NTM: variants seen among roughly 807,000 people sequenced by gnomAD.
NTM encodes neurotrimin.
In NTM, 13 loss-of-function variants were observed where a neutral mutation model predicts 42.1. The observed-to-expected ratio is 0.31, with a 90% CI of 0.20 to 0.49. The LOEUF is 0.49. Among genes scored for constraint, NTM ranks in the 20% least tolerant of loss-of-function variants. NTM has a pLI of 0.99. For missense variants in NTM, 373 were observed against 452.8 expected (o/e 0.82, Z 1.60); for synonymous variants, 187 against 179.2 (o/e 1.04, Z -0.35).
At chr11:132,294,496 G>T (rs892750797) in intron 4 of NTM, among the ~76,000 whole-genome samples, 1 of 152,050 alleles carries the variant, frequency 6.6e-6, no homozygotes, top group Non-Finnish European at 1.5e-5. Context: ...GTTTTTTCAC[G>T]CCAAGATCCA....
intron 2 of NTM, among the ~76,000 whole-genome samples, chr11:132,043,284 T>C (rs1423802269): frequency 6.6e-6 from 1 of 152,216 alleles, no homozygotes; most frequent in Non-Finnish European, 1.5e-5. Context: ...TAATTCTTCA[T>C]CCTTCAAGCA....
Position 132,104,290 on chromosome 11 carries a change from G to T in NTM, c.168-41992G>T, listed in dbSNP as rs965513878. Among the ~76,000 whole-genome samples, 104 of 152,248 alleles carry T rather than the reference G, an allele frequency of 6.8e-4. 1 individual carries two copies. The highest frequency in any genetic ancestry group is 2.4e-3 in the African/African-American group (99 of 41,538). ...AAATATTTACAGTAGAAATTTTTGA[G>T]TGATGAGATTATAGGATAATTTCCC... On this transcript the variant is annotated intron_variant, in intron 2 of 8. Coordinates refer to ENST00000683400, the MANE Select transcript of NTM (RefSeq NM_001352005.2).
intron 2 of NTM, among the ~76,000 whole-genome samples, chr11:131,981,792 C>A (rs983555531): frequency 8.5e-5 from 13 of 152,096 alleles, no homozygotes; most frequent in Non-Finnish European, 1.9e-4. Context: ...AGGTGGAGCA[C>A]CTGAGGTCAG....
intron 1 of NTM, among the ~76,000 whole-genome samples, chr11:131,863,267 G>T (rs1188409193): frequency 6.6e-6 from 1 of 152,210 alleles, no homozygotes; most frequent in African/African-American, 2.4e-5. Context: ...CTGGCACCCT[G>T]ATGGTGCTCC....
chr11:131,775,313 A>C (rs1239145037), intron 1 of NTM, among the ~76,000 whole-genome samples: 1 of 152,188 alleles, frequency 6.6e-6, no homozygotes, highest in African/African-American at 2.4e-5. Context: ...GTTTTAGTTT[A>C]ATAACTAATA....
intron 1 of NTM, among the ~76,000 whole-genome samples, chr11:131,391,743 G>T (rs113010245): frequency 6.6e-6 from 1 of 151,736 alleles, no homozygotes; most frequent in African/African-American, 2.4e-5. Flanking sequence ...CACCCTGTGC[G>T]GCTCATTTCT....
intron 4 of NTM, among the ~76,000 whole-genome samples, chr11:132,261,445 G>T (rs1355821214): frequency 6.6e-6 from 1 of 152,152 alleles, no homozygotes; most frequent in Non-Finnish European, 1.5e-5. Context: ...CCTCCCTTTT[G>T]CCGTGGTTAT....
chr11:131,539,268 A>G (rs2052801599), intron 1 of NTM: 1 of 152,212 alleles, frequency 6.6e-6, no homozygotes, highest in Non-Finnish European at 1.5e-5. Flanking sequence ...GGCTTTGCAG[A>G]AGTTCCTTCT....
At chr11:131,540,712 G>C (rs1446085578) in intron 1 of NTM, 1 of 152,208 alleles carries the variant, frequency 6.6e-6, no homozygotes, top group Admixed American at 6.5e-5. Flanking sequence ...ACAGTAAACA[G>C]AACTTAAAGG....
intron 1 of NTM, among the ~76,000 whole-genome samples, chr11:131,634,566 C>G (rs940874291): frequency 1.3e-5 from 2 of 151,712 alleles, no homozygotes; most frequent in East Asian, 1.9e-4. Flanking sequence ...GCCTCCCAAG[C>G]CTTTATGCTG....
chr11:131,968,572 A>G (rs2063135461), intron 2 of NTM, among the ~76,000 whole-genome samples: 1 of 152,034 alleles, frequency 6.6e-6, no homozygotes, highest in Non-Finnish European at 1.5e-5. Context: ...TCTTGAAATT[A>G]CCCATCTTGC....
chr11:132,117,415 G>A (rs2064067155), intron 2 of NTM, among the ~76,000 whole-genome samples: 2 of 152,220 alleles, frequency 1.3e-5, no homozygotes, highest in African/African-American at 4.8e-5. Context: ...CCATGTGATG[G>A]ACAATACCAA....
At chr11:131,569,104 CT>C (rs1325684588) in intron 1 of NTM, among the ~76,000 whole-genome samples, 1 of 151,956 alleles carries the variant, frequency 6.6e-6, no homozygotes, top group East Asian at 1.9e-4. Flanking sequence ...TAGGCAACCC[CT>C]AATCTGCTTT....
intron 3 of NTM, among the ~76,000 whole-genome samples, chr11:132,161,090 G>T (rs190451534): frequency 1.3e-5 from 2 of 152,298 alleles, no homozygotes; most frequent in Non-Finnish European, 2.9e-5. Flanking sequence ...GACCTCCATG[G>T]TTCACAGCTT....
chr11:132,186,538 C>T (rs1201699509), intron 3 of NTM, among the ~76,000 whole-genome samples: 2 of 152,170 alleles, frequency 1.3e-5, no homozygotes, highest in African/African-American at 2.4e-5. Flanking sequence ...TTATCATCCA[C>T]GTGGCCACTG....
Position 132,183,995 on chromosome 11 carries a change from C to T in NTM, c.401-28027C>T, listed in dbSNP as rs776652714. ...AAATCCTTCAGAAAAAAGGACCGACCGTGTCTTCCCAGTATAGTGTTAAAG... is the reference window on the plus strand; with the variant it reads ...AAATCCTTCAGAAAAAAGGACCGACTGTGTCTTCCCAGTATAGTGTTAAAG... On this transcript the variant is annotated intron_variant, in intron 3 of 8. Transcript: ENST00000683400. Among the ~76,000 whole-genome samples, 146 of 152,154 alleles carry T rather than the reference C, an allele frequency of 9.6e-4. 1 individual carries two copies. Among genetic ancestry groups the T allele is most frequent in the Non-Finnish European group, 1.5e-3 (105 of 68,010 alleles).
At chr11:131,482,302 C>T (rs1411941490) in intron 1 of NTM, among the ~76,000 whole-genome samples, 1 of 152,248 alleles carries the variant, frequency 6.6e-6, no homozygotes, top group African/African-American at 2.4e-5. Context: ...CCACCCATCA[C>T]AATCTTCAGG....
chr11:131,617,289 C>A lies in NTM; in HGVS notation c.82+246401C>A, dbSNP rs931242352. Among the ~76,000 whole-genome samples, 147 of 152,230 alleles carry A rather than the reference C, an allele frequency of 9.7e-4. 2 individuals are homozygous for A. The highest frequency in any genetic ancestry group is 3.5e-3 in the African/African-American group (145 of 41,526). On this transcript the variant is annotated intron_variant, in intron 1 of 8. Transcript: ENST00000683400. ...CTCTGATCACAAACCCATCATGTCA[C>A]AGGGAAACTGAGTACACTTTGCGGA...
At chr11:131,586,707 A>G (rs1358132868) in intron 1 of NTM, among the ~76,000 whole-genome samples, 1 of 152,214 alleles carries the variant, frequency 6.6e-6, no homozygotes, top group Non-Finnish European at 1.5e-5. Flanking sequence ...TTTGTTACAC[A>G]GCAACAGATA....
Sources: gnomAD v4.1 joint callset for allele counts (sites outside exome capture counted in the v4.1 genomes callset) on GRCh38, gnomAD v4.1.1 for gene constraint, MANE v1.5 for transcripts, NCBI Gene and HGNC (gene_info 2026-07-23, HGNC 2026-07-21) for gene names.